MACF1: variants seen among roughly 807,000 people sequenced by gnomAD.
MACF1 encodes the protein microtubule actin crosslinking factor 1, also known as microtubule-actin cross-linking factor 1.
In MACF1, 193 loss-of-function variants were observed where a neutral mutation model predicts 854.8. That is an observed-to-expected ratio of 0.23 (90% CI 0.20 to 0.25). The LOEUF (loss-of-function observed/expected upper bound fraction) is 0.25, where lower values mean the gene tolerates loss of function less well. Among genes scored for constraint, MACF1 ranks in the 10% least tolerant of loss-of-function variants. The pLI is 1.00. For missense variants in MACF1, 7,722 were observed against 8,929.1 expected (o/e 0.86, Z 5.45); for synonymous variants, 3,185 against 3,226.7 (o/e 0.99, Z 0.44).
At chr1:39,402,184 C>T (rs1184382709) in intron 58 of MACF1, among the ~76,000 whole-genome samples, 1 of 152,146 alleles carries the variant, frequency 6.6e-6, no homozygotes, top group East Asian at 1.9e-4. Flanking sequence ...TGCACTCCAC[C>T]TGGGTGACAG....
chr1:39,201,580 T>G (rs1644390302), upstream of MACF1, among the ~76,000 whole-genome samples: 3 of 152,034 alleles, frequency 2.0e-5, no homozygotes, highest in South Asian at 6.2e-4. Flanking sequence ...TCTCGATCTC[T>G]TGACCTCATG....
chr1:39,285,439 T>C, intron 13 of MACF1, 49 bp downstream of exon 13: 1 of 1,593,786 alleles, frequency 6.3e-7, no homozygotes, highest in Non-Finnish European at 8.6e-7. Context: ...TGTTTCCTGC[T>C]TCTCACCCTC....
chr1:39,095,579 A>G (rs1442066622), intron 2 of MACF1, among the ~76,000 whole-genome samples: 1 of 148,970 alleles, frequency 6.7e-6, no homozygotes, highest in Non-Finnish European at 1.5e-5. Context: ...AAAAAAAAAA[A>G]AAAAAGAAAT....
In MACF1 at chr1:39,465,128, C is replaced by G. The variant is rs771248882; in HGVS notation, c.21771+16C>G. The G allele has an allele frequency of 1.2e-6, 2 of 1,610,382 alleles. No individual in the cohort carries two copies. Among genetic ancestry groups the G allele is most frequent in the Non-Finnish European group, 8.5e-7 (1 of 1,176,766 alleles). On this transcript the variant is annotated intron_variant, in intron 95 of 100. Transcript: ENST00000564288. ...CGGCAATCAGGTACAGTGTGCCTTG[C>G]AATGTTCTCCTTCTCAATGGATATG...
chr1:39,351,630 A>G (rs1282787458), intron 43 of MACF1, among the ~76,000 whole-genome samples: 14 of 143,596 alleles, frequency 9.7e-5, no homozygotes, highest in Non-Finnish European at 7.5e-5. Context: ...TCTGTTGCCA[A>G]GACTGGAGTA....
Position 39,331,494 on chromosome 1 carries a change from G to T in MACF1, c.4906G>T (p.Glu1636Ter). The T allele has an allele frequency of 6.2e-7, 1 of 1,614,166 alleles. No homozygotes were observed. Among genetic ancestry groups the T allele is most frequent in the Non-Finnish European group, 8.5e-7 (1 of 1,180,040 alleles). Reference sequence around the variant, plus strand: ...GAGCAGAGGCCCTCTTTCTGTGGTGGAAGCAATTGAAAAGAGAATAATCAG... The same window carrying T: ...GAGCAGAGGCCCTCTTTCTGTGGTGTAAGCAATTGAAAAGAGAATAATCAG... The part of the protein sequence containing the change: ...TESRGPLSVV[E>*]AIEKRIISET... The change falls in exon 37 of 101, where the codon GAA (glutamate) becomes TAA (stop). Residue 1636 changes from glutamate to a stop codon, truncating the protein, a stop_gained. Transcript: ENST00000564288. LOFTEE classifies it high-confidence loss of function.
At position 39,285,910 on chromosome 1, in the gene MACF1, A is replaced by G. The variant is rs148412778; in HGVS notation, c.1508+152A>G. The G allele has an allele frequency of 6.5e-4, 517 of 796,568 alleles. 3 individuals are homozygous for G. In the African/African-American group the frequency reaches 7.9e-3, roughly 12 times the overall value. The allele number at this position is 796,568 out of a possible 1,614,324, so 49.3% of individuals were successfully genotyped here. On this transcript the variant is annotated intron_variant, in intron 14 of 100. Transcript: ENST00000564288. ...GATACTACAGGTCTCTTGGGCAGGA[A>G]TGTTTTGTCAGTAGAGGACAGTTTC...
intron 2 of MACF1, among the ~76,000 whole-genome samples, chr1:39,192,766 T>C (rs1168646175): frequency 6.6e-6 from 1 of 152,260 alleles, no homozygotes; most frequent in Non-Finnish European, 1.5e-5. Flanking sequence ...TTGTGACATC[T>C]TTGTATATTC....
chr1:39,218,238 A>ATTTAG (rs1339557497), intron 1 of MACF1, among the ~76,000 whole-genome samples: 1 of 151,684 alleles, frequency 6.6e-6, no homozygotes. Context: ...GCTGGTTTAC[A>ATTTAG]GACTGATATT....
chr1:39,117,256 T>G (rs1642570983), intron 2 of MACF1, among the ~76,000 whole-genome samples: 1 of 152,076 alleles, frequency 6.6e-6, no homozygotes, highest in Admixed American at 6.6e-5. Context: ...TTTATTCCAG[T>G]GTAGAGGATA....
rs372152652 is a variant in MACF1 at position 39,387,731 on chromosome 1, T to C, written c.14889T>C (p.Asn4963=). Residue 4963 remains asparagine, a synonymous_variant, in exon 58 of 101, where the codon AAT becomes AAC. Transcript: ENST00000564288. The stretch of plus-strand genomic sequence containing the variant: ...GCCGCTCCCTGCTGGAAATATTGAA[T>C]AGTGCTGCTGACATTCTGATCAATT... ...EKRRSLLEIL[N]SAADILINSS... 1.2e-5 allele frequency: 20 copies of C among 1,614,086 alleles called. No homozygotes were observed. In the African/African-American group the frequency reaches 2.7e-4, roughly 22 times the overall value.
intron 2 of MACF1, among the ~76,000 whole-genome samples, chr1:39,092,058 G>A (rs975223511): frequency 6.6e-6 from 1 of 152,176 alleles, no homozygotes; most frequent in Non-Finnish European, 1.5e-5. Flanking sequence ...GGAAGGGAAG[G>A]CACTTCTACT....
chr1:39,110,752 G>A (rs1439807355), intron 2 of MACF1, among the ~76,000 whole-genome samples: 3 of 152,210 alleles, frequency 2.0e-5, no homozygotes, highest in African/African-American at 7.2e-5. Flanking sequence ...GCTTATGGGA[G>A]CTACTGCCTT....
chr1:39,383,143 G>T (rs1650393901), intron 56 of MACF1, among the ~76,000 whole-genome samples: 1 of 152,074 alleles, frequency 6.6e-6, no homozygotes, highest in African/African-American at 2.4e-5. Flanking sequence ...ATTTAGGTTG[G>T]TCAAAATTAT....
At chr1:39,344,606 G>A (rs1211027476) in intron 40 of MACF1, among the ~76,000 whole-genome samples, 1 of 152,122 alleles carries the variant, frequency 6.6e-6, no homozygotes, top group Non-Finnish European at 1.5e-5. Flanking sequence ...TTCCCTTGGG[G>A]TGGGCTGTCT....
intron 65 of MACF1, among the ~76,000 whole-genome samples, chr1:39,430,476 A>T (rs1286029451): frequency 6.6e-6 from 1 of 152,090 alleles, no homozygotes; most frequent in Non-Finnish European, 1.5e-5. Flanking sequence ...TTACCCAGAG[A>T]CAATGTGGCT....
At chr1:39,472,077 ACTTGAGGTGGCTGCCGTCATGT>A (rs1644789029) in intron 97 of MACF1, among the ~76,000 whole-genome samples, 1 of 152,134 alleles carries the variant, frequency 6.6e-6, no homozygotes. Context: ...AATGAACTGA[ACTTGAGGTGGCTGCCGTCATGT>A]CTGGTTCTGT....
At chr1:39,172,781 A>C (rs999203123) in intron 2 of MACF1, among the ~76,000 whole-genome samples, 2 of 152,196 alleles carry the variant, frequency 1.3e-5, no homozygotes, top group African/African-American at 4.8e-5. Flanking sequence ...TGAGTATAAA[A>C]GCTTCAGAGA....
rs550903489 is a variant in MACF1 at position 39,165,661 on chromosome 1, C to T, written c.221-65521C>T. Reference sequence around the variant, plus strand: ...ATTAGTATTGAAAGGTTAAGGCCTTCATCCTCACTATGCTGCTGTGGTTTC... The same window carrying T: ...ATTAGTATTGAAAGGTTAAGGCCTTTATCCTCACTATGCTGCTGTGGTTTC... On this transcript the variant is annotated intron_variant, in intron 2 of 93. Transcript: ENST00000361689. Among the ~76,000 whole-genome samples, 10 of 152,310 alleles carry T rather than the reference C, an allele frequency of 6.6e-5. No homozygotes were observed. In the East Asian group the frequency reaches 1.9e-3, roughly 29 times the overall value.
Sources: allele counts gnomAD v4.1 joint callset (sites outside exome capture counted in the v4.1 genomes callset), GRCh38; gene constraint gnomAD v4.1.1; transcripts MANE v1.5; gene names NCBI Gene and HGNC (gene_info 2026-07-23, HGNC 2026-07-21).